The following MED13L variants were observed in gnomAD, a reference collection of about 807,000 sequenced individuals.
The protein encoded by MED13L is mediator of RNA polymerase II transcription subunit 13-like.
Under a neutral mutation model 220.9 loss-of-function variants are expected in MED13L, and 7 were observed. The observed-to-expected ratio is 0.03, with a 90% confidence interval of 0.02 to 0.06. MED13L has a LOEUF of 0.06. Ranked by LOEUF, MED13L falls within the 10% of genes least tolerant of loss-of-function variation. MED13L has a pLI of 1.00. For synonymous variants in MED13L, 1,011 were observed against 1,015.2 expected (o/e 1.00, Z 0.08); for missense variants, 1,965 against 2,760.5 (o/e 0.71, Z 6.46).
intron 2 of MED13L, among the ~76,000 whole-genome samples, chr12:116,201,516 C>A (rs1167073143): frequency 6.6e-6 from 1 of 151,894 alleles, no homozygotes; most frequent in Admixed American, 6.6e-5. Flanking sequence ...AAATATTCAA[C>A]AAATCTATAA....
chr12:116,274,409 C>CA (rs147006167), intron 1 of MED13L, among the ~76,000 whole-genome samples: 1,098 of 51,104 alleles, frequency 0.021, 9 homozygotes, highest in African/African-American at 0.067. Flanking sequence ...CTTTTCTCTG[C>CA]AAAAAAAAAC....
At chr12:116,218,876 G>A (rs1192931071) in intron 2 of MED13L, among the ~76,000 whole-genome samples, 1 of 152,036 alleles carries the variant, frequency 6.6e-6, no homozygotes, top group African/African-American at 2.4e-5. Context: ...TGGAATTACA[G>A]GCATGTGCCA....
intron 1 of MED13L, among the ~76,000 whole-genome samples, chr12:116,246,591 C>A (rs1382714095): frequency 6.7e-6 from 1 of 149,636 alleles, no homozygotes; most frequent in African/African-American, 2.5e-5. Context: ...GGCAGAAGGA[C>A]GACTTGACCT....
At chr12:116,247,276 G>A (rs1370156574) in intron 1 of MED13L, among the ~76,000 whole-genome samples, 1 of 151,668 alleles carries the variant, frequency 6.6e-6, no homozygotes, top group East Asian at 1.9e-4. Flanking sequence ...TAATCAAAAT[G>A]GGGTAATAGA....
intron 14 of MED13L, among the ~76,000 whole-genome samples, chr12:116,002,430 A>G (rs1298187560): frequency 2.0e-5 from 3 of 152,228 alleles, no homozygotes. Context: ...GTATCCACAT[A>G]AGCTACCCTT....
intron 2 of MED13L, 101 bp downstream of exon 2, chr12:116,237,367 A>C (rs1870183948): frequency 3.1e-6 from 3 of 955,870 alleles, no homozygotes; most frequent in Non-Finnish European, 5.0e-6. Context: ...GAAACACTTA[A>C]GATCGTTCTT....
intron 10 of MED13L, 163 bp downstream of exon 10, chr12:116,008,238 G>T: frequency 1.0e-6 from 1 of 991,578 alleles, no homozygotes; most frequent in East Asian, 2.6e-5. Flanking sequence ...TAACCTATAA[G>T]TAGGACAAAG....
At chr12:116,073,012 A>T (rs1310437795) in intron 4 of MED13L, among the ~76,000 whole-genome samples, 2 of 152,204 alleles carry the variant, frequency 1.3e-5, no homozygotes, top group East Asian at 1.9e-4. Context: ...ATGGTAGATT[A>T]TAAGTAAAAT....
chr12:116,116,783 GATTA>G (rs774000507), intron 2 of MED13L, among the ~76,000 whole-genome samples: 12 of 151,578 alleles, frequency 7.9e-5, no homozygotes, highest in Non-Finnish European at 1.6e-4. Flanking sequence ...CTGCAAAACT[GATTA>G]ATTACCTGAT....
chr12:116,251,440 G>GT (rs1871552161), intron 1 of MED13L, among the ~76,000 whole-genome samples: 1 of 143,694 alleles, frequency 7.0e-6, no homozygotes, highest in African/African-American at 2.6e-5. Flanking sequence ...GATTACAGGC[G>GT]TGAGGGATCC....
chr12:116,050,734 C>T (rs1170535788), intron 4 of MED13L, among the ~76,000 whole-genome samples: 2 of 151,998 alleles, frequency 1.3e-5, no homozygotes, highest in Non-Finnish European at 1.5e-5. Context: ...ATCAAGAGTT[C>T]GCAACCAGAC....
chr12:116,129,919 A>AAAAAG (rs1555214321), intron 2 of MED13L, among the ~76,000 whole-genome samples: 73 of 151,300 alleles, frequency 4.8e-4, no homozygotes, highest in East Asian at 2.5e-3. Flanking sequence ...AAAAAAAAAA[A>AAAAAG]AAAGAAAGAA....
intron 2 of MED13L, among the ~76,000 whole-genome samples, chr12:116,231,648 G>A (rs1034549498): frequency 1.3e-5 from 2 of 152,140 alleles, no homozygotes; most frequent in African/African-American, 4.8e-5. Flanking sequence ...CTAAATATTA[G>A]ATAATTTAAT....
chr12:116,262,954 G>A (rs1872608368), intron 1 of MED13L, among the ~76,000 whole-genome samples: 1 of 152,160 alleles, frequency 6.6e-6, no homozygotes, highest in South Asian at 2.1e-4. Flanking sequence ...TTCAATCTGT[G>A]CAGATGATTA....
intron 2 of MED13L, among the ~76,000 whole-genome samples, chr12:116,199,096 T>C (rs1881839291): frequency 6.6e-6 from 1 of 152,204 alleles, no homozygotes; most frequent in South Asian, 2.1e-4. Flanking sequence ...ATGTTCTTAT[T>C]TGCTTGTTCT....
At chr12:116,220,515 A>T (rs1191835613) in intron 2 of MED13L, among the ~76,000 whole-genome samples, 2 of 152,184 alleles carry the variant, frequency 1.3e-5, no homozygotes, top group Non-Finnish European at 2.9e-5. Flanking sequence ...CCTGGCCATT[A>T]TGGCGAAACC....
At chr12:116,244,080 A>T (rs936425046) in intron 1 of MED13L, among the ~76,000 whole-genome samples, 2 of 152,244 alleles carry the variant, frequency 1.3e-5, no homozygotes, top group Non-Finnish European at 2.9e-5. Flanking sequence ...CATCCTGGGC[A>T]GGATTCTAGG....
At chr12:116,246,808 G>A (rs1298967043) in intron 1 of MED13L, among the ~76,000 whole-genome samples, 2 of 81,792 alleles carry the variant, frequency 2.4e-5, no homozygotes, top group African/African-American at 5.0e-5. Context: ...GGAGGGAGGT[G>A]GGGAGGGGAA....
intron 4 of MED13L, among the ~76,000 whole-genome samples, chr12:116,033,713 A>G (rs1440265875): frequency 6.6e-6 from 1 of 152,114 alleles, no homozygotes; most frequent in Non-Finnish European, 1.5e-5. Flanking sequence ...GATTTTAAAT[A>G]ACATATTTTT....
Sources: allele counts gnomAD v4.1 joint callset (sites outside exome capture counted in the v4.1 genomes callset), GRCh38; gene constraint gnomAD v4.1.1; transcripts MANE v1.5; gene names NCBI Gene and HGNC (gene_info 2026-07-23, HGNC 2026-07-21).